SERPINE2: variants seen among roughly 807,000 people sequenced by gnomAD.
SERPINE2 encodes the protein glia-derived nexin.
In SERPINE2, 14 loss-of-function variants were observed where a neutral mutation model predicts 36.3. The observed-to-expected ratio is 0.39, with a 90% CI of 0.25 to 0.60. SERPINE2 has a LOEUF of 0.60. Ranked by LOEUF, SERPINE2 falls within the 20% of genes least tolerant of loss-of-function variation. The probability of loss-of-function intolerance (pLI) is 0.57; values close to 1 mark genes in which losing one functional copy is unlikely to be tolerated. For missense variants in SERPINE2, 418 were observed against 499.6 expected (o/e 0.84, Z 1.56); for synonymous variants, 192 against 191.8 (o/e 1.00, Z -0.01).
At chr2:224,010,393 T>C in intron 1 of SERPINE2, 3 of 983,608 alleles carry the variant, frequency 3.1e-6, no homozygotes, top group Non-Finnish European at 3.6e-6. Flanking sequence ...GTCCCTTCAA[T>C]GAAAAGACAC....
chr2:224,008,756 A>G (rs1302991732), intron 1 of SERPINE2, among the ~76,000 whole-genome samples: 4 of 152,228 alleles, frequency 2.6e-5, no homozygotes, highest in African/African-American at 9.6e-5. Flanking sequence ...TAAACCCTAA[A>G]TGTTTTAAAC....
At chr2:224,033,973 G>A (rs1036424272) in intron 1 of SERPINE2, among the ~76,000 whole-genome samples, 2 of 152,224 alleles carry the variant, frequency 1.3e-5, no homozygotes, top group Non-Finnish European at 2.9e-5. Flanking sequence ...GTACCAAAAT[G>A]AGGGCTGGAG....
chr2:223,977,877 C>T (rs1018657746), intron 7 of SERPINE2: 24 of 438,796 alleles, frequency 5.5e-5, no homozygotes, highest in African/African-American at 4.5e-4. Flanking sequence ...AACATACTTA[C>T]TCCTCATAGA....
chr2:224,001,205 C>G (rs1352539282), intron 2 of SERPINE2, among the ~76,000 whole-genome samples: 7 of 152,140 alleles, frequency 4.6e-5, no homozygotes, highest in Non-Finnish European at 8.8e-5. Context: ...GTGGCCACCA[C>G]CACAATCAAG....
intron 7 of SERPINE2, chr2:223,979,588 G>A (rs1690147086): frequency 1.3e-5 from 2 of 152,174 alleles, no homozygotes; most frequent in Admixed American, 1.3e-4. Context: ...CGGATAATGA[G>A]GGGTGAAAAA....
At chr2:223,984,974 A>G (rs1690372047) in intron 4 of SERPINE2, 24 bp from the exon 5 acceptor site, 1 of 1,609,964 alleles carries the variant, frequency 6.2e-7, no homozygotes, top group African/African-American at 1.3e-5. Flanking sequence ...AAGCAGGTTC[A>G]GTGTATCCTT....
intron 1 of SERPINE2, among the ~76,000 whole-genome samples, chr2:224,018,178 G>C (rs1354264888): frequency 6.6e-6 from 1 of 152,186 alleles, no homozygotes; most frequent in Non-Finnish European, 1.5e-5. Flanking sequence ...ATGGTCACTG[G>C]CGACTGAGGA....
chr2:224,004,306 C>G (rs1466703518), intron 1 of SERPINE2, among the ~76,000 whole-genome samples: 1 of 152,170 alleles, frequency 6.6e-6, no homozygotes, highest in Non-Finnish European at 1.5e-5. Flanking sequence ...ACCACTGAGG[C>G]CATCCTTCCA....
intron 1 of SERPINE2, among the ~76,000 whole-genome samples, chr2:224,022,453 T>C (rs1021527577): frequency 1.3e-5 from 2 of 152,210 alleles, no homozygotes; most frequent in Admixed American, 6.5e-5. Context: ...CCCTTAACTT[T>C]TATTTCACGA....
At chr2:223,999,456 C>T (rs771442279) in intron 2 of SERPINE2, among the ~76,000 whole-genome samples, 8 of 152,156 alleles carry the variant, frequency 5.3e-5, no homozygotes, top group South Asian at 4.1e-4. Context: ...TCTGAATGTG[C>T]GTCCTCTTCA....
At chr2:224,001,529 C>A in intron 2 of SERPINE2, 113 bp downstream of exon 2, 2 of 1,271,488 alleles carry the variant, frequency 1.6e-6, no homozygotes, top group Non-Finnish European at 2.1e-6. Context: ...ACCAGCAAAT[C>A]CCCTTCTGGC....
At chr2:223,992,914 C>T (rs966328413) in intron 3 of SERPINE2, among the ~76,000 whole-genome samples, 2 of 152,024 alleles carry the variant, frequency 1.3e-5, no homozygotes, top group African/African-American at 4.8e-5. Flanking sequence ...AAGTTTGAGA[C>T]CAGCCTGGGA....
At chr2:223,977,820 C>G (rs971515928) in intron 7 of SERPINE2, 193 bp from the exon 8 acceptor site, 2 of 537,312 alleles carry the variant, frequency 3.7e-6, no homozygotes, top group Non-Finnish European at 6.7e-6. Context: ...GGGCCAGGCC[C>G]TTTACATTAC....
chr2:224,011,368 T>C (rs1053087268), intron 1 of SERPINE2, among the ~76,000 whole-genome samples: 7 of 152,246 alleles, frequency 4.6e-5, no homozygotes, highest in Non-Finnish European at 8.8e-5. Context: ...TTCATGACCA[T>C]GTTTTTAGTA....
chr2:223,978,839 T>A (rs964550071), intron 7 of SERPINE2: 1 of 152,262 alleles, frequency 6.6e-6, no homozygotes, highest in Non-Finnish European at 1.5e-5. Flanking sequence ...CCCAAACCCC[T>A]AACGTAACTG....
chr2:224,023,731 T>G (rs1234953001), intron 1 of SERPINE2, among the ~76,000 whole-genome samples: 1 of 152,242 alleles, frequency 6.6e-6, no homozygotes, highest in East Asian at 1.9e-4. Context: ...ACATTTCCCA[T>G]CTTTTATTAG....
chr2:224,002,492 T>TTTTA (rs890863560), intron 1 of SERPINE2, among the ~76,000 whole-genome samples: 2 of 151,986 alleles, frequency 1.3e-5, no homozygotes, highest in Admixed American at 6.5e-5. Context: ...GTTATTTTAT[T>TTTTA]TTTATTTATT....
At chr2:223,980,268 C>A in intron 7 of SERPINE2, 43 bp downstream of exon 7, 1 of 1,489,312 alleles carries the variant, frequency 6.7e-7, no homozygotes, top group East Asian at 2.3e-5. Context: ...AATGTGTTTG[C>A]TCCCCTGCTA....
intron 3 of SERPINE2, among the ~76,000 whole-genome samples, chr2:223,995,724 T>A (rs1193723415): frequency 1.3e-5 from 2 of 152,194 alleles, no homozygotes; most frequent in Admixed American, 6.5e-5. Flanking sequence ...GTTCAGAAAT[T>A]TATCAAAAGT....
Sources: gnomAD v4.1 joint callset for allele counts (sites outside exome capture counted in the v4.1 genomes callset) on GRCh38, gnomAD v4.1.1 for gene constraint, MANE v1.5 for transcripts, NCBI Gene and HGNC (gene_info 2026-07-23, HGNC 2026-07-21) for gene names.